Variants in SKAP1 observed in about 807,000 individuals in gnomAD.
The protein encoded by SKAP1 is src kinase associated phosphoprotein 1.
In SKAP1, 44 loss-of-function variants were observed where a neutral mutation model predicts 58.5. That is an observed-to-expected ratio of 0.75 (90% CI 0.59 to 0.97). The LOEUF (loss-of-function observed/expected upper bound fraction) is 0.97, where lower values mean the gene tolerates loss of function less well. SKAP1 is among the 50% of genes least tolerant of loss of function. The pLI is 0.00. For missense variants in SKAP1, 390 were observed against 435.2 expected (o/e 0.90, Z 0.92); for synonymous variants, 127 against 149.7 (o/e 0.85, Z 1.11).
intron 4 of SKAP1, among the ~76,000 whole-genome samples, chr17:48,220,633 G>A (rs1213652493): frequency 6.6e-6 from 1 of 151,888 alleles, no homozygotes; most frequent in African/African-American, 2.4e-5. Flanking sequence ...GAGGTGGAAG[G>A]ATCACTTGAG....
At chr17:48,156,575 G>T in intron 11 of SKAP1, 1 of 420,808 alleles carries the variant, frequency 2.4e-6, no homozygotes. Flanking sequence ...AAGGAACACA[G>T]GAACATCCGC....
At chr17:48,274,142 A>G (rs1412132994) in intron 4 of SKAP1, among the ~76,000 whole-genome samples, 3 of 152,194 alleles carry the variant, frequency 2.0e-5, no homozygotes, top group Non-Finnish European at 2.9e-5. Context: ...TAATCCCAGC[A>G]CTTCAGGAGG....
intron 4 of SKAP1, among the ~76,000 whole-genome samples, chr17:48,247,956 A>G (rs1356210496): frequency 6.6e-6 from 1 of 152,242 alleles, no homozygotes; most frequent in African/African-American, 2.4e-5. Flanking sequence ...TCTCCCCAGT[A>G]GAATGTAAAA....
intron 4 of SKAP1, among the ~76,000 whole-genome samples, chr17:48,268,577 C>T (rs961689084): frequency 2.6e-5 from 4 of 152,018 alleles, no homozygotes; most frequent in Non-Finnish European, 5.9e-5. Context: ...CTGCAACCTC[C>T]GCCTCCTGGG....
intron 10 of SKAP1, among the ~76,000 whole-genome samples, 195 bp downstream of exon 10, chr17:48,170,414 A>G (rs534813688): frequency 1.1e-4 from 16 of 152,234 alleles, no homozygotes; most frequent in Non-Finnish European, 2.2e-4. Flanking sequence ...CATTAATTAA[A>G]GTGAATGTAT....
At chr17:48,265,263 T>C (rs550819034) in intron 4 of SKAP1, among the ~76,000 whole-genome samples, 48 of 152,206 alleles carry the variant, frequency 3.2e-4, no homozygotes, top group African/African-American at 1.1e-3. Flanking sequence ...CCCAGCACTT[T>C]GGGAGGCTGA....
intron 4 of SKAP1, among the ~76,000 whole-genome samples, chr17:48,262,596 A>G (rs778898624): frequency 1.3e-5 from 2 of 152,180 alleles, no homozygotes; most frequent in Non-Finnish European, 2.9e-5. Flanking sequence ...TTGTAATCTC[A>G]TTGCATGAAG....
intron 5 of SKAP1, 60 bp from the exon 6 acceptor site, chr17:48,187,986 T>A: frequency 1.6e-6 from 2 of 1,256,660 alleles, no homozygotes; most frequent in East Asian, 2.3e-5. Flanking sequence ...GAAGAGTCTG[T>A]AAAATCCAAC....
At chr17:48,420,434 G>T (rs771958317) in intron 1 of SKAP1, among the ~76,000 whole-genome samples, 12 of 152,008 alleles carry the variant, frequency 7.9e-5, no homozygotes, top group Non-Finnish European at 1.5e-4. Context: ...CAACTATACA[G>T]ATAGTTAAAC....
chr17:48,425,019 G>A (rs897614915), intron 1 of SKAP1, among the ~76,000 whole-genome samples: 1 of 152,098 alleles, frequency 6.6e-6, no homozygotes, highest in African/African-American at 2.4e-5. Context: ...CAGCACTTTG[G>A]GAGGCTGAGG....
intron 1 of SKAP1, among the ~76,000 whole-genome samples, chr17:48,419,287 C>CT (rs1206720011): frequency 3.3e-3 from 465 of 142,590 alleles, no homozygotes; most frequent in Middle Eastern, 7.2e-3. Context: ...GAATTTGGGG[C>CT]TTTTTTTTTT....
At chr17:48,296,139 C>G (rs1041369696) in intron 4 of SKAP1, among the ~76,000 whole-genome samples, 1 of 151,902 alleles carries the variant, frequency 6.6e-6, no homozygotes, top group African/African-American at 2.4e-5. Flanking sequence ...ACTTTTGAAC[C>G]AGAGATGGAG....
chr17:48,328,740 T>C (rs2066468661), intron 4 of SKAP1, among the ~76,000 whole-genome samples: 1 of 152,226 alleles, frequency 6.6e-6, no homozygotes, highest in African/African-American at 2.4e-5. Flanking sequence ...TCTGGGCTTC[T>C]CACATAAATT....
At chr17:48,398,646 A>C (rs1171667549) in intron 1 of SKAP1, among the ~76,000 whole-genome samples, 2 of 152,194 alleles carry the variant, frequency 1.3e-5, no homozygotes, top group East Asian at 3.9e-4. Flanking sequence ...ATATAGTTGG[A>C]TAAGCACACC....
intron 4 of SKAP1, among the ~76,000 whole-genome samples, chr17:48,255,847 G>A (rs753361604): frequency 3.3e-5 from 5 of 151,920 alleles, no homozygotes; most frequent in African/African-American, 9.7e-5. Context: ...AAGTCATAAC[G>A]TTTGTTTTGG....
chr17:48,318,321 A>G (rs1487308556), intron 4 of SKAP1, among the ~76,000 whole-genome samples: 1 of 152,240 alleles, frequency 6.6e-6, no homozygotes, highest in Non-Finnish European at 1.5e-5. Flanking sequence ...TTTTGACCTC[A>G]GAGGGCAATT....
intron 4 of SKAP1, among the ~76,000 whole-genome samples, chr17:48,302,498 A>G (rs1430371467): frequency 6.6e-6 from 1 of 152,190 alleles, no homozygotes; most frequent in African/African-American, 2.4e-5. Context: ...GAAAACCTTT[A>G]AGAGTGGTGA....
At chr17:48,220,118 T>A (rs1376819669) in intron 4 of SKAP1, among the ~76,000 whole-genome samples, 2 of 152,226 alleles carry the variant, frequency 1.3e-5, no homozygotes, top group Non-Finnish European at 2.9e-5. Flanking sequence ...ATGGTACAAG[T>A]CTGTTGGAAA....
intron 1 of SKAP1, among the ~76,000 whole-genome samples, chr17:48,403,822 A>G (rs377012426): frequency 2.6e-5 from 4 of 152,076 alleles, no homozygotes; most frequent in African/African-American, 9.7e-5. Context: ...CACAGTGGGT[A>G]ACGCCTGTAA....
Sources: allele counts gnomAD v4.1 joint callset (sites outside exome capture counted in the v4.1 genomes callset), GRCh38; gene constraint gnomAD v4.1.1; transcripts MANE v1.5; gene names NCBI Gene and HGNC (gene_info 2026-07-23, HGNC 2026-07-21).